ZBTB41: variants seen among roughly 807,000 people sequenced by gnomAD.
The protein encoded by ZBTB41 is zinc finger and BTB domain containing 41, also known as zinc finger and BTB domain-containing protein 41.
Under a neutral mutation model 87.6 loss-of-function variants are expected in ZBTB41, and 42 were observed. The observed-to-expected ratio is 0.48, with a 90% CI of 0.37 to 0.62. ZBTB41 has a LOEUF of 0.62. Ranked by LOEUF, ZBTB41 falls within the 20% of genes least tolerant of loss-of-function variation. The pLI, the probability that ZBTB41 is intolerant of heterozygous loss-of-function variation, is 0.00. For missense variants in ZBTB41, 799 were observed against 1,078.9 expected (o/e 0.74, Z 3.63); for synonymous variants, 364 against 364.0 (o/e 1.00, Z 0.00).
intron 5 of ZBTB41, among the ~76,000 whole-genome samples, chr1:197,187,850 C>G (rs928616420): frequency 7.2e-5 from 11 of 152,018 alleles, no homozygotes; most frequent in Non-Finnish European, 1.6e-4. Flanking sequence ...ATACAAAGGT[C>G]AGTGGTTGCC....
chr1:197,177,252 T>A (rs1659630167), intron 7 of ZBTB41, among the ~76,000 whole-genome samples: 1 of 152,110 alleles, frequency 6.6e-6, no homozygotes, highest in African/African-American at 2.4e-5. Flanking sequence ...CAGTGAGTTC[T>A]CACAAGATCT....
chr1:197,168,921 C>T (rs567826747), intron 10 of ZBTB41, among the ~76,000 whole-genome samples: 5 of 151,856 alleles, frequency 3.3e-5, no homozygotes, highest in East Asian at 1.9e-4. Context: ...AAAATGAGTA[C>T]AAGAATTAAT....
At chr1:197,197,375 C>T (rs189817230) in intron 2 of ZBTB41, among the ~76,000 whole-genome samples, 1 of 151,836 alleles carries the variant, frequency 6.6e-6, no homozygotes, top group African/African-American at 2.4e-5. Flanking sequence ...TGAGAAACTA[C>T]TGGTGAAAAG....
intron 10 of ZBTB41, among the ~76,000 whole-genome samples, chr1:197,160,714 C>A (rs148981245): frequency 0.012 from 1,840 of 152,164 alleles, 26 homozygotes; most frequent in Middle Eastern, 0.058. Context: ...GATGGCCTAT[C>A]AAAGATGTAC....
intron 8 of ZBTB41, among the ~76,000 whole-genome samples, chr1:197,176,352 T>A (rs1161751410): frequency 6.6e-6 from 1 of 152,086 alleles, no homozygotes; most frequent in African/African-American, 2.4e-5. Context: ...CACAAAGGGT[T>A]ACCAAATAAT....
chr1:197,173,226 C>T (rs1174277747), intron 9 of ZBTB41, among the ~76,000 whole-genome samples: 1 of 152,128 alleles, frequency 6.6e-6, no homozygotes, highest in Non-Finnish European at 1.5e-5. Flanking sequence ...TTGCTCTTAA[C>T]ATATCCATTG....
At chr1:197,188,535 G>A in intron 4 of ZBTB41, 96 bp from the exon 5 acceptor site, 1 of 1,177,014 alleles carries the variant, frequency 8.5e-7, no homozygotes, top group Non-Finnish European at 1.1e-6. Flanking sequence ...ATTCAATAAA[G>A]AGACTTTTCT....
intron 2 of ZBTB41, among the ~76,000 whole-genome samples, chr1:197,195,874 G>A (rs927085163): frequency 4.6e-5 from 7 of 152,086 alleles, no homozygotes. Flanking sequence ...GATAAAAGAT[G>A]CAAAGTAATG....
chr1:197,169,873 A>C (rs1158853484), intron 10 of ZBTB41, among the ~76,000 whole-genome samples: 2 of 152,054 alleles, frequency 1.3e-5, no homozygotes, highest in African/African-American at 4.8e-5. Flanking sequence ...TGAACAAACA[A>C]AACTCATGAT....
At chr1:197,186,231 GAT>G (rs1049619088) in intron 5 of ZBTB41, among the ~76,000 whole-genome samples, 3 of 150,350 alleles carry the variant, frequency 2.0e-5, no homozygotes, top group Non-Finnish European at 3.0e-5. Context: ...ATATAGTAAA[GAT>G]AGTCTTTTTA....
intron 2 of ZBTB41, among the ~76,000 whole-genome samples, chr1:197,193,022 G>A (rs1660072510): frequency 6.6e-6 from 1 of 152,096 alleles, no homozygotes; most frequent in South Asian, 2.1e-4. Flanking sequence ...GAAAACAGAA[G>A]TACAATGAAA....
intron 10 of ZBTB41, among the ~76,000 whole-genome samples, chr1:197,161,886 A>C (rs1046949353): frequency 2.3e-4 from 35 of 151,984 alleles, no homozygotes; most frequent in South Asian, 6.2e-4. Flanking sequence ...AGCAATACTA[A>C]CACCACCAAG....
At position 197,172,162 on chromosome 1, in the gene ZBTB41, G is replaced by T; in HGVS notation, c.2072C>A (p.Ser691Ter). ...SSLEMHFRTH[S>*]GEKPYKCQIC... is the part of the protein sequence containing the mutation. ...ATGAACCACTCATTAAATTTTACCT[G>T]AATGCGTTCGAAAATGCATTTCCAG... The change falls in exon 10 of 11, where the codon TCA becomes TAA. Residue 691 changes from serine (S) to a stop codon, truncating the protein, a stop_gained and splice_region_variant. Coordinates refer to ENST00000367405, the MANE Select transcript of ZBTB41 (RefSeq NM_194314.3). LOFTEE classifies it high-confidence loss of function. The T allele has an allele frequency of 7.2e-7, 1 of 1,386,272 alleles. No individual in the cohort carries two copies. Among genetic ancestry groups the T allele is most frequent in the Non-Finnish European group, 9.5e-7 (1 of 1,049,474 alleles). 85.9% of individuals were successfully genotyped at this position (1,386,272 alleles called of 1,614,324 possible).
At chr1:197,160,713 T>C (rs1659181430) in intron 10 of ZBTB41, among the ~76,000 whole-genome samples, 1 of 152,142 alleles carries the variant, frequency 6.6e-6, no homozygotes, top group Admixed American at 6.6e-5. Context: ...TGATGGCCTA[T>C]CAAAGATGTA....
intron 2 of ZBTB41, among the ~76,000 whole-genome samples, chr1:197,194,044 G>A (rs549296725): frequency 4.6e-4 from 70 of 151,436 alleles, no homozygotes; most frequent in African/African-American, 1.6e-3. Flanking sequence ...TTTTTGAGAC[G>A]GAGTTTTGCT....
intron 10 of ZBTB41, among the ~76,000 whole-genome samples, chr1:197,166,767 A>G (rs1659355088): frequency 6.6e-6 from 1 of 152,038 alleles, no homozygotes; most frequent in South Asian, 2.1e-4. Flanking sequence ...GAATCGCTTG[A>G]ACCCAGGAGG....
intron 9 of ZBTB41, among the ~76,000 whole-genome samples, chr1:197,174,542 A>G (rs1334698757): frequency 6.6e-6 from 1 of 152,146 alleles, no homozygotes; most frequent in Non-Finnish European, 1.5e-5. Flanking sequence ...TGAATGTTTT[A>G]CACTTAGCAA....
intron 5 of ZBTB41, 117 bp downstream of exon 5, chr1:197,188,175 A>C (rs1045008722): frequency 8.1e-7 from 1 of 1,242,198 alleles, no homozygotes; most frequent in Non-Finnish European, 1.1e-6. Flanking sequence ...TGAACCTAAA[A>C]CCACTCTTAA....
At chr1:197,178,843 G>A (rs1042214722) in intron 6 of ZBTB41, among the ~76,000 whole-genome samples, 1 of 152,098 alleles carries the variant, frequency 6.6e-6, no homozygotes, top group Non-Finnish European at 1.5e-5. Flanking sequence ...TTGATAGAGA[G>A]GGTTTAATAA....
Sources: allele counts gnomAD v4.1 joint callset (sites outside exome capture counted in the v4.1 genomes callset), GRCh38; gene constraint gnomAD v4.1.1; transcripts MANE v1.5; gene names NCBI Gene and HGNC (gene_info 2026-07-23, HGNC 2026-07-21).